Variants in BCL2L13 observed in about 807,000 individuals in gnomAD.
BCL2L13 encodes the protein BCL2 like 13, also known as bcl-2-like protein 13.
Under a neutral mutation model 25.8 loss-of-function variants are expected in BCL2L13, and 13 were observed. That is an observed-to-expected ratio of 0.50 (90% CI 0.33 to 0.80). BCL2L13 has a LOEUF of 0.80. BCL2L13 is among the 30% of genes least tolerant of loss of function. BCL2L13 has a pLI of 0.02. For synonymous variants in BCL2L13, 244 were observed against 230.3 expected (o/e 1.06, Z -0.54); for missense variants, 504 against 574.9 (o/e 0.88, Z 1.26).
intron 1 of BCL2L13, among the ~76,000 whole-genome samples, chr22:17,645,420 C>G (rs2058441010): frequency 6.6e-6 from 1 of 150,866 alleles, no homozygotes. Context: ...CAGGGTTTCA[C>G]CATGTTGGCC....
intron 2 of BCL2L13, among the ~76,000 whole-genome samples, chr22:17,658,828 G>A (rs2058971700): frequency 6.6e-6 from 1 of 151,594 alleles, no homozygotes; most frequent in African/African-American, 2.4e-5. Flanking sequence ...GGAGGCTGAG[G>A]CAGTTCACTC....
rs2145621925 is a variant in BCL2L13 at position 17,689,031 on chromosome 22, G to A, written c.275G>A (p.Ser92Asn). The change falls in exon 4 of 7, where the codon AGC (serine) becomes AAC (asparagine). Residue 92 changes from serine to asparagine, a missense_variant. Transcript: ENST00000317582. ...GFDRHTSPVFSPANPESSMED... is the reference protein window; with the variant it reads ...GFDRHTSPVFNPANPESSMED... The stretch of plus-strand genomic sequence containing the variant: ...GACCGTCACACTTCTCCAGTGTTCA[G>A]CCCTGCCAATCCAGAAAGCTCAATG... The A allele has an allele frequency of 6.2e-7, 1 of 1,614,154 alleles. No homozygotes were observed. The highest frequency in any genetic ancestry group is 8.5e-7 in the Non-Finnish European group (1 of 1,180,004).
chr22:17,665,679 C>A (rs1362060490), intron 2 of BCL2L13, among the ~76,000 whole-genome samples: 2 of 152,156 alleles, frequency 1.3e-5, no homozygotes, highest in East Asian at 3.8e-4. Flanking sequence ...TATGTTATAG[C>A]ATAAATAATC....
At chr22:17,671,414 A>C (rs1339697294) in intron 2 of BCL2L13, among the ~76,000 whole-genome samples, 1 of 150,476 alleles carries the variant, frequency 6.6e-6, no homozygotes, top group East Asian at 2.0e-4. Flanking sequence ...AAAAAAAAAA[A>C]AAATTAGCCA....
chr22:17,678,321 CTGAAG>C (rs1190252482), intron 2 of BCL2L13, among the ~76,000 whole-genome samples: 2 of 152,146 alleles, frequency 1.3e-5, no homozygotes, highest in East Asian at 1.9e-4. Context: ...CCACACCCAA[CTGAAG>C]TGAAGATTAA....
intron 4 of BCL2L13, chr22:17,695,925 G>A (rs2060251561): frequency 4.5e-6 from 2 of 449,328 alleles, no homozygotes; most frequent in Admixed American, 3.3e-5. Context: ...ATCTTGCTAT[G>A]TTATTAACTA....
chr22:17,640,999 T>C (rs757521471), intron 1 of BCL2L13, among the ~76,000 whole-genome samples: 140 of 151,732 alleles, frequency 9.2e-4, no homozygotes, highest in Non-Finnish European at 1.7e-3. Flanking sequence ...CACACCATTC[T>C]CCTGCCTCAG....
rs780610649 is a variant in BCL2L13 at position 17,727,481 on chromosome 22, G to T, written c.1405G>T (p.Val469Phe). The part of the protein sequence containing the change: ...SILLFGGAAA[V>F]AILAVAIGVA... ...ACTGCTGTTTGGAGGGGCTGCTGCT[G>T]TTGCCATCCTGGCAGTGGCCATCGG... Residue 469 changes from valine (V) to phenylalanine (F), a missense_variant, in exon 7 of 7, where the codon GTT becomes TTT. Transcript: ENST00000317582. The T allele has an allele frequency of 1.4e-5, 23 of 1,614,138 alleles. No homozygotes were observed. Among genetic ancestry groups the T allele is most frequent in the Non-Finnish European group, 1.8e-5 (21 of 1,180,064 alleles).
chr22:17,697,364 G>C (rs2060295943), intron 5 of BCL2L13, among the ~76,000 whole-genome samples: 1 of 152,106 alleles, frequency 6.6e-6, no homozygotes, highest in African/African-American at 2.4e-5. Context: ...CTTAAACCCG[G>C]GAGTTGGAGG....
chr22:17,722,132 A>G (rs982952967), intron 6 of BCL2L13, among the ~76,000 whole-genome samples: 1 of 152,232 alleles, frequency 6.6e-6, no homozygotes, highest in Non-Finnish European at 1.5e-5. Flanking sequence ...AAATAGGATC[A>G]TACCATCCAT....
At chr22:17,688,947 T>G in intron 3 of BCL2L13, 39 bp from the exon 4 acceptor site, 1 of 1,586,066 alleles carries the variant, frequency 6.3e-7, no homozygotes, top group Non-Finnish European at 8.6e-7. Flanking sequence ...TTATAGATAT[T>G]GTTTATTATA....
At chr22:17,706,005 A>G (rs1406628083) in intron 6 of BCL2L13, among the ~76,000 whole-genome samples, 1 of 152,194 alleles carries the variant, frequency 6.6e-6, no homozygotes, top group Non-Finnish European at 1.5e-5. Flanking sequence ...TGTTTTCTGA[A>G]TTATTAACAG....
At chr22:17,654,474 G>T (rs1479115236) in intron 1 of BCL2L13, among the ~76,000 whole-genome samples, 2 of 151,658 alleles carry the variant, frequency 1.3e-5, no homozygotes, top group African/African-American at 4.8e-5. Context: ...CCAGGCTGGA[G>T]TGCAGTGGCG....
At chr22:17,699,123 A>G (rs2060356760) in intron 5 of BCL2L13, among the ~76,000 whole-genome samples, 1 of 152,160 alleles carries the variant, frequency 6.6e-6, no homozygotes. Flanking sequence ...TCTATTTCCT[A>G]TTGCATCACA....
chr22:17,686,405 A>C (rs2059939378), intron 3 of BCL2L13, among the ~76,000 whole-genome samples: 1 of 152,118 alleles, frequency 6.6e-6, no homozygotes, highest in Non-Finnish European at 1.5e-5. Context: ...AGCCAAGATC[A>C]TGCCACTGTA....
intron 6 of BCL2L13, among the ~76,000 whole-genome samples, chr22:17,717,811 G>T (rs916573371): frequency 1.3e-5 from 2 of 152,174 alleles, no homozygotes; most frequent in African/African-American, 4.8e-5. Context: ...TTGAGGCCAG[G>T]CGTGGTGGCT....
chr22:17,652,354 T>A (rs1346521444), intron 1 of BCL2L13, among the ~76,000 whole-genome samples: 1 of 152,182 alleles, frequency 6.6e-6, no homozygotes, highest in East Asian at 1.9e-4. Context: ...TAAGCACATT[T>A]AAGTGTGCTT....
intron 2 of BCL2L13, among the ~76,000 whole-genome samples, chr22:17,658,289 TATATACAC>T (rs1351962483): frequency 1.8e-4 from 28 of 152,302 alleles, no homozygotes; most frequent in African/African-American, 6.7e-4. Flanking sequence ...ATGTATGTAT[TATATACAC>T]ATAGACATTA....
At chr22:17,716,817 C>T (rs1017218563) in intron 6 of BCL2L13, among the ~76,000 whole-genome samples, 11 of 152,100 alleles carry the variant, frequency 7.2e-5, no homozygotes, top group Non-Finnish European at 1.6e-4. Context: ...ATCTTTTCTC[C>T]TCTAAGTAAT....
Sources: allele counts gnomAD v4.1 joint callset (sites outside exome capture counted in the v4.1 genomes callset), GRCh38; gene constraint gnomAD v4.1.1; transcripts MANE v1.5; gene names NCBI Gene and HGNC (gene_info 2026-07-23, HGNC 2026-07-21).